The following MYH16 variants were observed in gnomAD, a reference collection of about 807,000 sequenced individuals.
MYH16 encodes the protein putative uncharacterized protein MYH16.
At chr7:99,285,323 G>A (rs1792262611) in intron 26 of MYH16, 59 bp from the exon 9 acceptor site, 2 of 455,464 alleles carry the variant, frequency 4.4e-6, no homozygotes, top group African/African-American at 2.0e-5. Context: ...AAAGGCTAAG[G>A]GGCTGACTTA....
intron 23 of MYH16, among the ~76,000 whole-genome samples, chr7:99,282,816 G>T (rs1335815809): frequency 7.2e-6 from 1 of 138,036 alleles, no homozygotes; most frequent in Non-Finnish European, 1.5e-5. Context: ...AGTGACAGAG[G>T]AAGATCCTAT....
chr7:99,310,242 C>T (rs866747687), downstream of MYH16, among the ~76,000 whole-genome samples: 9 of 152,006 alleles, frequency 5.9e-5, no homozygotes, highest in Middle Eastern at 3.2e-3. Context: ...AGCTGCAGCG[C>T]GGTGGGGGAT....
chr7:99,271,143 C>T (rs888463298), intron 19 of MYH16: 1 of 152,658 alleles, frequency 6.6e-6, no homozygotes, highest in Non-Finnish European at 1.5e-5. Context: ...CACACGCACT[C>T]AGGGCCAGCT....
intron 27 of MYH16, among the ~76,000 whole-genome samples, chr7:99,286,050 G>A (rs529717737): frequency 2.5e-4 from 38 of 152,360 alleles, no homozygotes; most frequent in African/African-American, 8.4e-4. Flanking sequence ...TAGAATCCTG[G>A]CTTCTCAAAG....
At chr7:99,278,664 T>G (rs914958906) in intron 21 of MYH16, among the ~76,000 whole-genome samples, 1 of 152,306 alleles carries the variant, frequency 6.6e-6, no homozygotes, top group East Asian at 1.9e-4. Flanking sequence ...CCCAGGCCCA[T>G]TGGTAGAAAA....
At chr7:99,286,024 C>T (rs746645710) in intron 27 of MYH16, among the ~76,000 whole-genome samples, 3 of 152,252 alleles carry the variant, frequency 2.0e-5, no homozygotes, top group Non-Finnish European at 4.4e-5. Context: ...AGGCAGGGCA[C>T]AAGGCCCCCC....
chr7:99,258,639 C>T (rs1791901014), intron 11 of MYH16, among the ~76,000 whole-genome samples: 1 of 152,062 alleles, frequency 6.6e-6, no homozygotes, highest in Admixed American at 6.6e-5. Context: ...TGAAGCCAGC[C>T]TGTACTGGCT....
intron 2 of MYH16, among the ~76,000 whole-genome samples, chr7:99,246,225 A>C (rs1791727752): frequency 6.6e-6 from 1 of 151,296 alleles, no homozygotes; most frequent in African/African-American, 2.4e-5. Flanking sequence ...AAAAAGAAAG[A>C]AAAGAAAAAA....
At chr7:99,284,307 C>G (rs1792245792) in intron 25 of MYH16, among the ~76,000 whole-genome samples, 1 of 152,134 alleles carries the variant, frequency 6.6e-6, no homozygotes, top group South Asian at 2.1e-4. Flanking sequence ...AGCCTATGAC[C>G]ATGTTGGGTA....
intron 33 of MYH16, among the ~76,000 whole-genome samples, chr7:99,294,945 C>T (rs1792459732): frequency 6.6e-6 from 1 of 152,150 alleles, no homozygotes; most frequent in South Asian, 2.1e-4. Context: ...GAAGCTAAGG[C>T]ATGAGGATCA....
intron 12 of MYH16, chr7:99,260,534 C>A: frequency 3.2e-6 from 1 of 315,642 alleles, no homozygotes; most frequent in Non-Finnish European, 6.1e-6. Flanking sequence ...CTATTGCATG[C>A]CACCATTCAT....
At chr7:99,302,407 A>G (rs1357937727) in intron 38 of MYH16, among the ~76,000 whole-genome samples, 1 of 151,460 alleles carries the variant, frequency 6.6e-6, no homozygotes, top group Non-Finnish European at 1.5e-5. Context: ...TCTACTAAAA[A>G]TACAATAATT....
rs948933682 is a variant in MYH16 at position 99,279,861 on chromosome 7, G to GT, written n.2887+133dup. The GT allele has an allele frequency of 2.2e-3, 774 of 346,932 alleles. 1 individual carries two copies. The highest frequency in any genetic ancestry group is 4.0e-3 in the Admixed American group (104 of 25,800). The allele number at this position is 346,932 out of a possible 1,614,324, so 21.5% of individuals were successfully genotyped here. ...GACCACATGGGGCAGTTTTTTGGGG[G>GT]TTTTTTTTTGTTTGTTTGTTTTGCG... On this transcript the variant is annotated intron_variant and non_coding_transcript_variant, in intron 22 of 41. Coordinates refer to ENST00000439784, the Ensembl canonical transcript of MYH16.
chr7:99,295,420 T>TC (rs1421260851), intron 33 of MYH16, among the ~76,000 whole-genome samples: 1 of 152,008 alleles, frequency 6.6e-6, no homozygotes. Context: ...CCTTCCCTGT[T>TC]CCCCTCTCTC....
exon 37 of MYH16, chr7:99,299,655 C>G (rs1792558081): frequency 6.5e-6 from 1 of 153,398 alleles, no homozygotes; most frequent in African/African-American, 2.4e-5. Flanking sequence ...AACAGCAAAT[C>G]AAGGTAGCGA....
At chr7:99,274,761 C>T (rs1204447162) in intron 20 of MYH16, among the ~76,000 whole-genome samples, 1 of 150,938 alleles carries the variant, frequency 6.6e-6, no homozygotes, top group Non-Finnish European at 1.5e-5. Flanking sequence ...GCAACCTCCG[C>T]CTCCCGGGTT....
intron 37 of MYH16, among the ~76,000 whole-genome samples, chr7:99,299,927 T>TTTTATTTTATATTTA (rs1405217065): frequency 3.6e-5 from 5 of 138,182 alleles, no homozygotes; most frequent in African/African-American, 1.4e-4. Flanking sequence ...TTTTATTTTA[T>TTTTATTTTATATTTA]TTTATTTATT....
chr7:99,296,533 T>C (rs1272604271), intron 33 of MYH16, among the ~76,000 whole-genome samples, 168 bp from the exon 15 acceptor site: 1 of 152,028 alleles, frequency 6.6e-6, no homozygotes, highest in Non-Finnish European at 1.5e-5. Context: ...GCAGACTCTC[T>C]GTTCTGTGCT....
intron 2 of MYH16, among the ~76,000 whole-genome samples, chr7:99,244,155 T>C (rs1190508017): frequency 6.6e-6 from 1 of 152,126 alleles, no homozygotes; most frequent in African/African-American, 2.4e-5. Flanking sequence ...CATCCATCCA[T>C]CCACTCATCC....
Sources: allele counts gnomAD v4.1 joint callset (sites outside exome capture counted in the v4.1 genomes callset), GRCh38; gene constraint gnomAD v4.1.1; transcripts MANE v1.5; gene names NCBI Gene and HGNC (gene_info 2026-07-23, HGNC 2026-07-21).